The following OVCH1 variants were observed in gnomAD, a reference collection of about 807,000 sequenced individuals.
OVCH1 encodes ovochymase-1.
OVCH1 carries 139 observed loss-of-function variants against 138.4 expected under a neutral mutation model. That is an observed-to-expected ratio of 1.00 (90% confidence interval 0.87 to 1.16). The LOEUF (loss-of-function observed/expected upper bound fraction) is 1.16, where lower values mean the gene tolerates loss of function less well. Among genes scored for constraint, OVCH1 ranks in the 50% most tolerant of loss-of-function variants. The pLI is 0.00. For missense variants in OVCH1, 1,367 were observed against 1,357.9 expected (o/e 1.01, Z -0.11); for synonymous variants, 453 against 467.8 (o/e 0.97, Z 0.41).
chr12:29,407,777 C>T (rs1219767626), downstream of OVCH1, among the ~76,000 whole-genome samples: 1 of 151,476 alleles, frequency 6.6e-6, no homozygotes. Context: ...TTAGGATTGA[C>T]TTGGCTATGC....
chr12:29,454,902 G>C, exon 21 of OVCH1: 1 of 1,612,492 alleles, frequency 6.2e-7, no homozygotes, highest in Non-Finnish European at 8.5e-7. Flanking sequence ...TTAAGGTTTT[G>C]CATTTATTAT....
exon 7 of OVCH1, chr12:29,487,746 A>C (rs908861531): frequency 1.9e-6 from 3 of 1,605,570 alleles, no homozygotes; most frequent in Non-Finnish European, 2.6e-6. Context: ...TTTGGAGAAA[A>C]TGCCAAGTGA....
intron 3 of OVCH1, among the ~76,000 whole-genome samples, chr12:29,419,293 AT>A (rs547040895): frequency 3.0e-4 from 44 of 147,596 alleles, no homozygotes; most frequent in South Asian, 8.6e-4. Flanking sequence ...ACAAAGTATG[AT>A]TTTTTTTTTT....
intron 26 of OVCH1, among the ~76,000 whole-genome samples, chr12:29,436,100 CAA>C (rs993777965): frequency 8.6e-5 from 13 of 151,824 alleles, no homozygotes; most frequent in Admixed American, 2.0e-4. Flanking sequence ...AATTATGTGA[CAA>C]TATTTTATTT....
intron 3 of OVCH1, among the ~76,000 whole-genome samples, chr12:29,415,584 G>C (rs1306764870): frequency 6.6e-6 from 1 of 152,056 alleles, no homozygotes; most frequent in Non-Finnish European, 1.5e-5. Context: ...GCAATACTTA[G>C]GTATACACTT....
At chr12:29,407,534 G>A, downstream of OVCH1, among the ~76,000 whole-genome samples, 1 of 149,976 alleles carries the variant, frequency 6.7e-6, no homozygotes, top group Non-Finnish European at 1.5e-5. Flanking sequence ...TGGCTAGCCA[G>A]TTTTCCCAGC....
intron 25 of OVCH1, 150 bp downstream of exon 25, chr12:29,443,211 G>T: frequency 2.6e-6 from 2 of 756,608 alleles, no homozygotes; most frequent in Non-Finnish European, 3.9e-6. Context: ...TTTTAAATCT[G>T]ACACAAGTTT....
At chr12:29,411,382 C>G (rs1206522809), downstream of OVCH1, among the ~76,000 whole-genome samples, 1 of 151,534 alleles carries the variant, frequency 6.6e-6, no homozygotes, top group Non-Finnish European at 1.5e-5. Flanking sequence ...AGGTGCTCTG[C>G]TTTTTAGAGT....
At chr12:29,429,340 G>A (rs1159750656) in intron 27 of OVCH1, among the ~76,000 whole-genome samples, 1 of 152,166 alleles carries the variant, frequency 6.6e-6, no homozygotes, top group African/African-American at 2.4e-5. Flanking sequence ...GATTGGGAAG[G>A]AATAAAGATC....
chr12:29,423,507 G>T (rs187511369), downstream of OVCH1, among the ~76,000 whole-genome samples: 3 of 152,268 alleles, frequency 2.0e-5, no homozygotes, highest in East Asian at 1.9e-4. Flanking sequence ...CAAAGGGAAA[G>T]ACCTGATAGA....
exon 26 of OVCH1, chr12:29,439,373 C>A: frequency 6.4e-7 from 1 of 1,574,430 alleles, no homozygotes; most frequent in South Asian, 1.2e-5. Flanking sequence ...TAATAAAATT[C>A]AGTTTTTCTC....
downstream of OVCH1, chr12:29,423,272 ACT>A (rs1941130311): frequency 4.4e-6 from 2 of 455,842 alleles, no homozygotes; most frequent in Admixed American, 4.7e-5. Context: ...ATCAAGATAA[ACT>A]CTTTCTTGGA....
rs1942712336 is a variant in OVCH1, at chr12:29,476,300, C to T, written c.1378-1G>A. The T allele has an allele frequency of 6.2e-7, 1 of 1,608,256 alleles. No individual in the cohort carries two copies. Among genetic ancestry groups the T allele is most frequent in the South Asian group, 1.1e-5 (1 of 90,942 alleles). On this transcript the variant is annotated splice_acceptor_variant, in intron 12 of 27. Coordinates refer to ENST00000318184, the Ensembl canonical transcript of OVCH1. LOFTEE classifies it high-confidence loss of function. ...TGACAGCAAAGTCCTCAAATGTCAA[C>T]TGTGCAAATGGAAACATAACCAGGG...
chr12:29,464,561 G>C lies in OVCH1; in HGVS notation c.2071C>G (p.Pro691Ala), dbSNP rs377369470. Residue 691 changes from proline (P) to alanine (A), a missense_variant, in exon 18 of 28, where the codon CCT (proline) becomes GCT (alanine). Physicochemically the swap from Pro to Ala is conservative, Grantham distance 27. Transcript: ENST00000318184. ...GCACAGATCTCCGAGGAAAATAGAG[G>C]CTCTGCGCTGTGTGGGAGACATACT... The C allele has an allele frequency of 1.2e-5, 19 of 1,613,474 alleles. No individual in the cohort carries two copies. The African/African-American group carries it at 2.5e-4, about 22-fold the overall frequency.
intron 12 of OVCH1, 40 bp from the exon 13 acceptor site, chr12:29,476,339 A>G: frequency 6.7e-7 from 1 of 1,483,834 alleles, no homozygotes; most frequent in Non-Finnish European, 9.4e-7. Flanking sequence ...TGGTCAAAGA[A>G]GAGAAGAGAG....
At chr12:29,483,199 CA>C (rs1478445710) in intron 8 of OVCH1, among the ~76,000 whole-genome samples, 2 of 152,150 alleles carry the variant, frequency 1.3e-5, no homozygotes, top group African/African-American at 4.8e-5. Flanking sequence ...TTCCTTCAGA[CA>C]AATTCTGGCT....
chr12:29,468,549 G>A (rs921346341), intron 16 of OVCH1, among the ~76,000 whole-genome samples: 3 of 152,024 alleles, frequency 2.0e-5, no homozygotes, highest in African/African-American at 7.2e-5. Context: ...AGCTTTTTCT[G>A]CGTCTCTGTA....
At chr12:29,430,292 C>T (rs1190817269) in intron 27 of OVCH1, among the ~76,000 whole-genome samples, 1 of 152,192 alleles carries the variant, frequency 6.6e-6, no homozygotes, top group Non-Finnish European at 1.5e-5. Flanking sequence ...CTGGTTGGCC[C>T]CCTGCCAGGA....
At chr12:29,494,035 C>T (rs1943345314) in intron 4 of OVCH1, among the ~76,000 whole-genome samples, 1 of 152,182 alleles carries the variant, frequency 6.6e-6, no homozygotes, top group Admixed American at 6.5e-5. Context: ...GATGTCAATT[C>T]CAGCATCAAA....
Sources: gnomAD v4.1 joint callset for allele counts (sites outside exome capture counted in the v4.1 genomes callset) on GRCh38, gnomAD v4.1.1 for gene constraint, MANE v1.5 for transcripts, NCBI Gene and HGNC (gene_info 2026-07-23, HGNC 2026-07-21) for gene names.